Variants in FHIT observed in about 807,000 individuals in gnomAD.
The protein encoded by FHIT is fragile histidine triad diadenosine triphosphatase.
FHIT carries 19 observed loss-of-function variants against 17.9 expected under a neutral mutation model. That is an observed-to-expected ratio of 1.06 (90% CI 0.74 to 1.56). FHIT has a LOEUF of 1.56. Ranked by LOEUF, FHIT falls within the 40% of genes most tolerant of loss-of-function variation. The pLI is 0.00. For synonymous variants in FHIT, 81 were observed against 69.7 expected (o/e 1.16, Z -0.81); for missense variants, 248 against 189.2 (o/e 1.31, Z -1.82).
intron 4 of FHIT, among the ~76,000 whole-genome samples, chr3:60,682,202 A>T (rs1456625483): frequency 6.6e-6 from 1 of 151,908 alleles, no homozygotes; most frequent in Non-Finnish European, 1.5e-5. Context: ...CGAACTCCTG[A>T]CCTCATTATT....
intron 5 of FHIT, among the ~76,000 whole-genome samples, chr3:60,367,407 C>A (rs1700153858): frequency 6.6e-6 from 1 of 152,172 alleles, no homozygotes. Context: ...AGAGAATGCA[C>A]TGTTTTTATT....
intron 5 of FHIT, among the ~76,000 whole-genome samples, chr3:60,369,412 C>G (rs1700234521): frequency 6.6e-6 from 1 of 152,286 alleles, no homozygotes; most frequent in African/African-American, 2.4e-5. Flanking sequence ...ACTCTAATAT[C>G]TTGGTCATCT....
At position 61,223,901 on chromosome 3, in the gene FHIT, C is replaced by T. The variant is rs560193509; in HGVS notation, c.-212-23236G>A. On this transcript the variant is annotated intron_variant, in intron 1 of 9. Transcript: ENST00000492590. Reference sequence around the variant, plus strand: ...GATACAGATAAGGGGAAAAATTCTGCCCCTCTTAAGAACCATATAAATTTG... The same window carrying T: ...GATACAGATAAGGGGAAAAATTCTGTCCCTCTTAAGAACCATATAAATTTG... 1.6e-4 allele frequency among the ~76,000 whole-genome samples: 22 copies of T among 133,772 alleles called. No homozygotes were observed. In the Middle Eastern group the frequency reaches 0.031, roughly 186 times the overall value. 87.8% of individuals were successfully genotyped at this position (133,772 alleles called of 152,430 possible).
intron 4 of FHIT, among the ~76,000 whole-genome samples, chr3:60,810,362 G>C (rs1456257112): frequency 6.6e-6 from 1 of 152,142 alleles, no homozygotes; most frequent in Non-Finnish European, 1.5e-5. Flanking sequence ...AATATTAAGA[G>C]TAAGCTCTCC....
chr3:60,359,407 A>G (rs1699809620), intron 5 of FHIT, among the ~76,000 whole-genome samples: 1 of 150,474 alleles, frequency 6.6e-6, no homozygotes, highest in Non-Finnish European at 1.5e-5. Flanking sequence ...CAGCCTCCCA[A>G]GTAGCTGAGA....
chr3:60,908,050 G>C (rs1305363765), intron 3 of FHIT, among the ~76,000 whole-genome samples: 1 of 152,176 alleles, frequency 6.6e-6, no homozygotes, highest in Non-Finnish European at 1.5e-5. Context: ...AGTCTGTTTA[G>C]AGGAGCAAAC....
intron 4 of FHIT, among the ~76,000 whole-genome samples, chr3:60,647,476 A>AC (rs2039888205): frequency 6.6e-6 from 1 of 152,140 alleles, no homozygotes; most frequent in African/African-American, 2.4e-5. Context: ...AAAGAAGAAG[A>AC]GACTCTGGTA....
chr3:61,189,244 A>G (rs570973002), intron 2 of FHIT, among the ~76,000 whole-genome samples: 33 of 152,348 alleles, frequency 2.2e-4, no homozygotes, highest in South Asian at 6.2e-4. Flanking sequence ...GTCTCAGGAT[A>G]CAAAATCAAC....
intron 5 of FHIT, among the ~76,000 whole-genome samples, chr3:60,214,058 C>T (rs980163103): frequency 3.9e-5 from 6 of 152,016 alleles, no homozygotes; most frequent in African/African-American, 1.2e-4. Context: ...AGAGGGTGGT[C>T]GTGACTAGCG....
rs111743027 is a variant in FHIT, at chr3:60,841,538, T to C, written c.-110-19527A>G. Among the ~76,000 whole-genome samples the C allele has an allele frequency of 4.7e-4, 72 of 152,346 alleles. 1 individual carries two copies. The highest frequency in any genetic ancestry group is 3.4e-3 in the Middle Eastern group (1 of 292). ...AGCATTATTTCTCAATGTCTATGCT[T>C]ATCTTGCCCAAAGTTGAAAAGTGAA... On this transcript the variant is annotated intron_variant, in intron 3 of 9. Coordinates refer to ENST00000492590, the MANE Select transcript of FHIT (RefSeq NM_002012.4).
At chr3:60,037,960 C>T (rs565553156) in intron 5 of FHIT, among the ~76,000 whole-genome samples, 95 of 152,230 alleles carry the variant, frequency 6.2e-4, no homozygotes, top group African/African-American at 2.2e-3. Flanking sequence ...GCAATCTGCC[C>T]GCCTCGGCCT....
chr3:60,986,166 G>A (rs974494264), intron 3 of FHIT, among the ~76,000 whole-genome samples: 1 of 152,154 alleles, frequency 6.6e-6, no homozygotes, highest in African/African-American at 2.4e-5. Context: ...TTTCACCTGA[G>A]GATTAGGATG....
At chr3:60,258,994 A>C (rs961689148) in intron 5 of FHIT, among the ~76,000 whole-genome samples, 1 of 151,516 alleles carries the variant, frequency 6.6e-6, no homozygotes, top group Admixed American at 6.6e-5. Flanking sequence ...TGCTTCTGCT[A>C]TGTTCTCAAA....
rs550244159 is a variant in FHIT at position 60,337,308 on chromosome 3, T to C, written c.103+199552A>G. On this transcript the variant is annotated intron_variant, in intron 5 of 9. Coordinates refer to ENST00000492590, the MANE Select transcript of FHIT (RefSeq NM_002012.4). The stretch of plus-strand genomic sequence containing the variant: ...TCAGGGAGTTAAAACAGTTAAATAA[T>C]GGTTAAAAGCCTGCTTCTGGAATCT... Among the ~76,000 whole-genome samples the C allele has an allele frequency of 6.6e-5, 10 of 152,146 alleles. No individual in the cohort carries two copies. The South Asian group carries it at 1.5e-3, about 22-fold the overall frequency.
chr3:61,055,646 G>T (rs2106672952), intron 2 of FHIT, among the ~76,000 whole-genome samples: 2 of 152,196 alleles, frequency 1.3e-5, no homozygotes, highest in East Asian at 3.9e-4. Context: ...GATACTGGGG[G>T]AATTCAAGGT....
chr3:60,009,062 G>C (rs1700029596), intron 7 of FHIT, among the ~76,000 whole-genome samples: 1 of 152,064 alleles, frequency 6.6e-6, no homozygotes, highest in Admixed American at 6.6e-5. Context: ...TTTCATGCAG[G>C]TGATACAAAG....
At chr3:59,958,568 GT>G (rs984732616) in intron 7 of FHIT, among the ~76,000 whole-genome samples, 7 of 152,284 alleles carry the variant, frequency 4.6e-5, no homozygotes, top group African/African-American at 1.7e-4. Context: ...CAGCAAATAG[GT>G]TTTTACTGAG....
At chr3:61,080,238 T>C (rs2106773094) in intron 2 of FHIT, among the ~76,000 whole-genome samples, 1 of 152,314 alleles carries the variant, frequency 6.6e-6, no homozygotes, top group Admixed American at 6.5e-5. Flanking sequence ...CAGGTAAAAC[T>C]ATGCACAATA....
In FHIT at chr3:60,447,968, A is replaced by G. The variant is rs529533137; in HGVS notation, c.103+88892T>C. Among the ~76,000 whole-genome samples the G allele has an allele frequency of 1.2e-3, 190 of 152,290 alleles. 1 individual carries two copies. Among genetic ancestry groups the G allele is most frequent in the African/African-American group, 4.3e-3 (180 of 41,580 alleles). On this transcript the variant is annotated intron_variant, in intron 5 of 9. Coordinates refer to ENST00000492590, the MANE Select transcript of FHIT (RefSeq NM_002012.4). ...GAAGAAAGTAAAAGAGAAACAACAA[A>G]TTCTCACCATGAAATGATTTTGAAT...
Sources: allele counts gnomAD v4.1 joint callset (sites outside exome capture counted in the v4.1 genomes callset), GRCh38; gene constraint gnomAD v4.1.1; transcripts MANE v1.5; gene names NCBI Gene and HGNC (gene_info 2026-07-23, HGNC 2026-07-21).